The following PKD2 variants were observed in gnomAD, a reference collection of about 807,000 sequenced individuals.
PKD2 encodes the protein polycystin-2.
PKD2 carries 48 observed loss-of-function variants against 105.9 expected under a neutral mutation model. The ratio of observed to expected loss-of-function variants is 0.45; its 90% CI spans 0.36 to 0.58. The LOEUF is 0.58. Among genes scored for constraint, PKD2 ranks in the 20% least tolerant of loss-of-function variants. The pLI is 0.00. For missense variants in PKD2, 1,078 were observed against 1,255.3 expected, an observed-to-expected ratio of 0.86 and a Z score of 2.13; for synonymous variants, 464 against 481.1, an observed-to-expected ratio of 0.96 and a Z score of 0.46.
At chr4:88,064,249 TTGTAAAGTGTA>T (rs1720702022) in intron 10 of PKD2, among the ~76,000 whole-genome samples, 1 of 152,220 alleles carries the variant, frequency 6.6e-6, no homozygotes, top group Non-Finnish European at 1.5e-5. Context: ...TCACTCCACA[TTGTAAAGTGTA>T]CAGTGTAATA....
rs111695939 is a variant in PKD2 at position 88,067,394 on chromosome 4, C to T, written c.2359-504C>T. On this transcript the variant is annotated intron_variant, in intron 12 of 14. Transcript: ENST00000237596. ...ATTATTATTTTAAGATGGCTCATGG[C>T]CCACTGCAGCCTCAAACTCCTAGGC... is the stretch of plus-strand genomic sequence containing the variant. 5.7e-4 allele frequency among the ~76,000 whole-genome samples: 87 copies of T among 152,254 alleles called. 1 individual carries two copies. Among genetic ancestry groups the T allele is most frequent in the African/African-American group, 2.1e-3 (87 of 41,552 alleles).
intron 13 of PKD2, among the ~76,000 whole-genome samples, chr4:88,073,629 C>T (rs1379357420): frequency 6.6e-6 from 1 of 152,068 alleles, no homozygotes; most frequent in Non-Finnish European, 1.5e-5. Flanking sequence ...GAGGAGGGAG[C>T]CCTGTGCTCT....
At chr4:88,021,115 A>G (rs1323099207) in intron 2 of PKD2, among the ~76,000 whole-genome samples, 1 of 152,250 alleles carries the variant, frequency 6.6e-6, no homozygotes, top group Admixed American at 6.5e-5. Flanking sequence ...GATTAGAATT[A>G]CTAAGTTCTT....
chr4:88,014,991 C>T (rs1349300442), intron 1 of PKD2, among the ~76,000 whole-genome samples: 1 of 152,132 alleles, frequency 6.6e-6, no homozygotes, highest in African/African-American at 2.4e-5. Context: ...GTGGTTAAGC[C>T]CTCAGTTTAA....
In PKD2 at chr4:88,075,434, ACCAGTT is replaced by A. The variant is rs1721195262; in HGVS notation, c.2671-23_2671-18del. On this transcript the variant is annotated intron_variant, in intron 14 of 14. Coordinates refer to ENST00000237596, the MANE Select transcript of PKD2 (RefSeq NM_000297.4). Reference sequence around the variant, plus strand: ...GGCATTTCCTTCTACTGCCCCCAACACCAGTTTCTTTTTCCCTTTTTAGGATGAAAG... The same window carrying A: ...GGCATTTCCTTCTACTGCCCCCAACATCTTTTTCCCTTTTTAGGATGAAAG... The A allele has an allele frequency of 6.4e-7, 1 of 1,555,402 alleles. No homozygotes were observed. Among genetic ancestry groups the A allele is most frequent in the Non-Finnish European group, 8.9e-7 (1 of 1,126,674 alleles).
chr4:88,070,386 T>C (rs1229301712), intron 13 of PKD2, among the ~76,000 whole-genome samples: 1 of 151,836 alleles, frequency 6.6e-6, no homozygotes, highest in Non-Finnish European at 1.5e-5. Context: ...GGACCCGCAT[T>C]ATGCATATGC....
intron 3 of PKD2, among the ~76,000 whole-genome samples, chr4:88,037,327 C>T (rs1454307088): frequency 6.6e-6 from 1 of 152,138 alleles, no homozygotes; most frequent in Non-Finnish European, 1.5e-5. Flanking sequence ...CCCAAGTTGT[C>T]ACAAATTCCA....
At chr4:88,068,119 A>G in intron 13 of PKD2, 58 bp downstream of exon 13, 1 of 1,310,898 alleles carries the variant, frequency 7.6e-7, no homozygotes, top group Non-Finnish European at 1.1e-6. Context: ...GAGACCAGGC[A>G]GTTCCCTCAT....
chr4:88,046,388 T>C (rs1727766878), intron 5 of PKD2, among the ~76,000 whole-genome samples: 1 of 152,132 alleles, frequency 6.6e-6, no homozygotes, highest in Non-Finnish European at 1.5e-5. Context: ...TATAGAAAAG[T>C]GTAGGGAAGA....
chr4:88,062,917 A>G (rs1300957759), intron 10 of PKD2, among the ~76,000 whole-genome samples: 15 of 152,228 alleles, frequency 9.9e-5, no homozygotes, highest in Admixed American at 9.2e-4. Context: ...CTCACTTGGC[A>G]CAATTCTGAT....
Position 88,007,710 on chromosome 4 carries a change from G to A in PKD2, c.-24G>A. On this transcript the variant is annotated 5_prime_UTR_variant, in exon 1 of 15. Transcript: ENST00000237596. ...GCGCCGAGCGCGGCGCCGCGCACCC[G>A]CGCGCCGGACGCCAGTGACCGCGAT... 2 of 1,182,332 alleles carry A rather than the reference G, an allele frequency of 1.7e-6. No homozygotes were observed. Among genetic ancestry groups the A allele is most frequent in the Admixed American group, 3.8e-5 (1 of 26,064 alleles). The allele number at this position is 1,182,332 out of a possible 1,614,324, so 73.2% of individuals were successfully genotyped here.
At chr4:88,032,912 A>G (rs1727210993) in intron 2 of PKD2, among the ~76,000 whole-genome samples, 1 of 152,162 alleles carries the variant, frequency 6.6e-6, no homozygotes. Context: ...TCAAGATGCA[A>G]GACCCACAAT....
At position 88,043,477 on chromosome 4, in the gene PKD2, A is replaced by G; in HGVS notation, c.1319+20A>G. Reference sequence around the variant, plus strand: ...GGTCAGGTGTGTACTGAGGACATGCATCCCTCCTATTTCTGTGTGGTTGTA... The same window carrying G: ...GGTCAGGTGTGTACTGAGGACATGCGTCCCTCCTATTTCTGTGTGGTTGTA... On this transcript the variant is annotated intron_variant, in intron 5 of 14. Coordinates refer to ENST00000237596, the MANE Select transcript of PKD2 (RefSeq NM_000297.4). 3 of 1,495,052 alleles carry G rather than the reference A, an allele frequency of 2.0e-6. No homozygotes were observed. The highest frequency in any genetic ancestry group is 2.8e-6 in the Non-Finnish European group (3 of 1,071,672). The allele number at this position is 1,495,052 out of a possible 1,614,324, so 92.6% of individuals were successfully genotyped here. A position where few individuals can be genotyped will look rare whatever the true frequency, so the allele number is the denominator to read the frequency against.
chr4:88,068,858 A>G (rs976648153), intron 13 of PKD2, among the ~76,000 whole-genome samples: 1 of 152,176 alleles, frequency 6.6e-6, no homozygotes, highest in Non-Finnish European at 1.5e-5. Flanking sequence ...GTCTCCAAGT[A>G]TTATTAGTTG....
At chr4:88,030,914 A>G (rs1399702849) in intron 2 of PKD2, among the ~76,000 whole-genome samples, 5 of 152,236 alleles carry the variant, frequency 3.3e-5, no homozygotes, top group Non-Finnish European at 7.3e-5. Context: ...CCACTTAATC[A>G]GTTCAAGCCT....
Position 88,060,441 on chromosome 4 carries a change from C to CATATATATATATATATATATATATATAT in PKD2, c.2020-1449_2020-1448insATATATATATATATATATATATATATAT, listed in dbSNP as rs60801876. Among the ~76,000 whole-genome samples, 5 of 147,478 alleles carry CATATATATATATATATATATATATATAT rather than the reference C, an allele frequency of 3.4e-5. No homozygotes were observed. The East Asian group carries it at 6.1e-4, about 18-fold the overall frequency. The stretch of plus-strand genomic sequence containing the variant: ...TAAGTATTTACTAAGCCACTATATC[C>CATATATATATATATATATATATATATAT]ATATATATATATATATCATATATAC... On this transcript the variant is annotated intron_variant, in intron 9 of 14. Transcript: ENST00000237596.
Position 88,047,393 on chromosome 4 carries a change from C to CAA in PKD2, c.1548+535_1548+536dup, listed in dbSNP as rs879780943. 3.7e-3 allele frequency among the ~76,000 whole-genome samples: 501 copies of CAA among 135,702 alleles called. 4 individuals carry two copies. Among genetic ancestry groups the CAA allele is most frequent in the African/African-American group, 0.013 (468 of 37,078 alleles). The allele number at this position is 135,702 out of a possible 152,430, so 89.0% of individuals were successfully genotyped here. On this transcript the variant is annotated intron_variant, in intron 6 of 14. Coordinates refer to ENST00000237596, the MANE Select transcript of PKD2 (RefSeq NM_000297.4). The stretch of plus-strand genomic sequence containing the variant: ...GTAACATAGTGAGACCCTGTCTTTA[C>CAA]AAAAAAAAAAAAATTTAATTAGTCA...
chr4:88,016,040 T>C (rs1328130136), intron 1 of PKD2, among the ~76,000 whole-genome samples: 1 of 152,186 alleles, frequency 6.6e-6, no homozygotes, highest in Non-Finnish European at 1.5e-5. Flanking sequence ...GCAGGCAATC[T>C]AGATTCTTCA....
At chr4:88,060,305 T>G (rs1720521600) in intron 9 of PKD2, among the ~76,000 whole-genome samples, 1 of 152,186 alleles carries the variant, frequency 6.6e-6, no homozygotes, top group Admixed American at 6.5e-5. Context: ...GTATTCTATA[T>G]TCTATTCTCA....
Sources: gnomAD v4.1 joint callset for allele counts (sites outside exome capture counted in the v4.1 genomes callset) on GRCh38, gnomAD v4.1.1 for gene constraint, MANE v1.5 for transcripts, NCBI Gene and HGNC (gene_info 2026-07-23, HGNC 2026-07-21) for gene names.